The following FAF1 variants were observed in gnomAD, a reference collection of about 807,000 sequenced individuals.
The protein encoded by FAF1 is Fas associated factor 1.
In FAF1, 25 loss-of-function variants were observed where a neutral mutation model predicts 92.5. The ratio of observed to expected loss-of-function variants is 0.27; its 90% CI spans 0.20 to 0.38. FAF1 has a LOEUF of 0.38. FAF1 is among the 10% of genes least tolerant of loss of function. The probability of loss-of-function intolerance (pLI) is 1.00; values close to 1 mark genes in which losing one functional copy is unlikely to be tolerated. For missense variants in FAF1, 636 were observed against 793.3 expected, an observed-to-expected ratio of 0.80 and a Z score of 2.38; for synonymous variants, 234 against 273.2, an observed-to-expected ratio of 0.86 and a Z score of 1.42.
At chr1:50,527,316 T>A (rs548906704) in intron 15 of FAF1, among the ~76,000 whole-genome samples, 1 of 152,208 alleles carries the variant, frequency 6.6e-6, no homozygotes, top group Non-Finnish European at 1.5e-5. Flanking sequence ...TCGAACCCTT[T>A]GCCAGTTGTT....
At chr1:50,532,537 T>C (rs1253469507) in intron 15 of FAF1, among the ~76,000 whole-genome samples, 1 of 152,208 alleles carries the variant, frequency 6.6e-6, no homozygotes, top group East Asian at 1.9e-4. Flanking sequence ...TACAAATTCC[T>C]AACTAAGTAC....
chr1:50,492,211 G>A (rs887372115), intron 15 of FAF1, among the ~76,000 whole-genome samples: 3 of 152,124 alleles, frequency 2.0e-5, no homozygotes, highest in Non-Finnish European at 4.4e-5. Context: ...ATTTTTCTGA[G>A]ATAAACTTGG....
intron 1 of FAF1, among the ~76,000 whole-genome samples, chr1:50,887,284 T>C (rs1644674509): frequency 6.6e-6 from 1 of 152,226 alleles, no homozygotes; most frequent in Admixed American, 6.5e-5. Flanking sequence ...TAGCCCTTTG[T>C]CAGATGAGTA....
At chr1:50,574,896 C>CTGTTTTTTTTTTTTTTTTTTTTT (rs1558000811) in intron 12 of FAF1, among the ~76,000 whole-genome samples, 16 of 122,910 alleles carry the variant, frequency 1.3e-4, no homozygotes, top group African/African-American at 4.5e-4. Context: ...GTTGTATTAA[C>CTGTTTTTTTTTTTTTTTTTTTTT]TCTTTTTTTT....
At chr1:50,818,838 C>G (rs1644003102) in intron 2 of FAF1, among the ~76,000 whole-genome samples, 1 of 151,472 alleles carries the variant, frequency 6.6e-6, no homozygotes, top group Non-Finnish European at 1.5e-5. Flanking sequence ...CTCCATCCCC[C>G]CACCAAAAAA....
At chr1:50,734,978 A>G (rs998543212) in intron 6 of FAF1, among the ~76,000 whole-genome samples, 8 of 152,226 alleles carry the variant, frequency 5.3e-5, no homozygotes, top group African/African-American at 1.9e-4. Context: ...CAACATTTAG[A>G]GCAGGTGAAG....
chr1:50,637,885 A>C (rs1362198524), intron 8 of FAF1, among the ~76,000 whole-genome samples: 2 of 151,552 alleles, frequency 1.3e-5, no homozygotes, highest in Non-Finnish European at 2.9e-5. Flanking sequence ...TTTTGCATTT[A>C]AGTCATCTCT....
chr1:50,601,654 C>G (rs188203692), intron 8 of FAF1, among the ~76,000 whole-genome samples: 2 of 151,902 alleles, frequency 1.3e-5, no homozygotes, highest in Admixed American at 1.3e-4. Context: ...TGCACTCCAG[C>G]CTGGGTGAGA....
At chr1:50,443,111 C>A (rs1262916424) in intron 18 of FAF1, among the ~76,000 whole-genome samples, 1 of 152,226 alleles carries the variant, frequency 6.6e-6, no homozygotes, top group Admixed American at 6.5e-5. Flanking sequence ...TGCCCACCTG[C>A]TTCTGATATT....
At chr1:50,778,144 A>G (rs1351136200) in intron 4 of FAF1, among the ~76,000 whole-genome samples, 1 of 152,222 alleles carries the variant, frequency 6.6e-6, no homozygotes, top group Non-Finnish European at 1.5e-5. Flanking sequence ...AAGACATAAT[A>G]TTGAGTGAAA....
At chr1:50,861,784 A>C (rs1000255696) in intron 1 of FAF1, among the ~76,000 whole-genome samples, 6 of 151,774 alleles carry the variant, frequency 4.0e-5, no homozygotes, top group African/African-American at 1.2e-4. Flanking sequence ...AAAGACTAGA[A>C]AGGAAAACTA....
Position 50,766,791 on chromosome 1 carries a change from CAA to C in FAF1, c.367+21207_367+21208del, listed in dbSNP as rs765570305. Among the ~76,000 whole-genome samples the C allele has an allele frequency of 1.3e-4, 8 of 61,930 alleles. No individual in the cohort carries two copies. In the South Asian group the frequency reaches 4.0e-3, roughly 31 times the overall value. The allele number at this position is 61,930 out of a possible 152,430, so 40.6% of individuals were successfully genotyped here. ...AAAAACAAACAAACAAGCAAGCAAG[CAA>C]AAAAAAAAAAAAAAAAAAACCACAC... On this transcript the variant is annotated intron_variant, in intron 4 of 18. Coordinates refer to ENST00000396153, the MANE Select transcript of FAF1 (RefSeq NM_007051.3).
intron 18 of FAF1, among the ~76,000 whole-genome samples, chr1:50,444,688 G>A (rs907850701): frequency 1.3e-5 from 2 of 152,146 alleles, no homozygotes; most frequent in Non-Finnish European, 2.9e-5. Context: ...ATGTAGCTGG[G>A]AACCATGTTA....
intron 7 of FAF1, among the ~76,000 whole-genome samples, chr1:50,677,978 A>G (rs1398265190): frequency 6.6e-6 from 1 of 152,172 alleles, no homozygotes; most frequent in Admixed American, 6.5e-5. Flanking sequence ...TCTATTTACA[A>G]AAATGGTGAG....
chr1:50,894,216 T>C (rs1364362789), intron 1 of FAF1, among the ~76,000 whole-genome samples: 1 of 150,930 alleles, frequency 6.6e-6, no homozygotes, highest in Non-Finnish European at 1.5e-5. Context: ...TGAGAATTGC[T>C]TGAACCCAGG....
intron 7 of FAF1, among the ~76,000 whole-genome samples, chr1:50,696,438 T>C (rs1657229487): frequency 6.6e-6 from 1 of 152,216 alleles, no homozygotes; most frequent in African/African-American, 2.4e-5. Flanking sequence ...CATTAGATTC[T>C]TTTTAATCAA....
At chr1:50,758,735 T>C (rs1369148312) in intron 4 of FAF1, among the ~76,000 whole-genome samples, 2 of 152,228 alleles carry the variant, frequency 1.3e-5, no homozygotes, top group Non-Finnish European at 2.9e-5. Context: ...TTCTGAAAGA[T>C]TATTTTGTTC....
intron 2 of FAF1, among the ~76,000 whole-genome samples, chr1:50,851,702 T>G (rs78738909): frequency 0.29 from 43,602 of 152,024 alleles, 6,574 homozygotes; most frequent in Middle Eastern, 0.48. Context: ...GATGTTTCTT[T>G]CATGCAATAA....
intron 6 of FAF1, among the ~76,000 whole-genome samples, chr1:50,706,888 C>T (rs912045041): frequency 3.3e-5 from 5 of 152,070 alleles, no homozygotes; most frequent in Admixed American, 2.0e-4. Flanking sequence ...GTGACAAATA[C>T]ACACACAACA....
Sources: gnomAD v4.1 joint callset for allele counts (sites outside exome capture counted in the v4.1 genomes callset) on GRCh38, gnomAD v4.1.1 for gene constraint, MANE v1.5 for transcripts, NCBI Gene and HGNC (gene_info 2026-07-23, HGNC 2026-07-21) for gene names.